KNTC1: variants seen among roughly 807,000 people sequenced by gnomAD.
The protein encoded by KNTC1 is kinetochore-associated protein 1.
A neutral mutation model predicts 314.4 loss-of-function variants in KNTC1; 253 were observed. That is an observed-to-expected ratio of 0.80 (90% CI 0.73 to 0.89). The LOEUF (loss-of-function observed/expected upper bound fraction) is 0.89. KNTC1 is among the 40% of genes least tolerant of loss of function. The pLI, the probability that KNTC1 is intolerant of heterozygous loss-of-function variation, is 0.00. For missense variants in KNTC1, 2,475 were observed against 2,572.9 expected, an observed-to-expected ratio of 0.96 and a Z score of 0.82; for synonymous variants, 901 against 901.4, an observed-to-expected ratio of 1.00 and a Z score of 0.01.
At chr12:122,609,574 T>TA (rs1872902079) in intron 52 of KNTC1, 144 bp downstream of exon 52, 2 of 582,148 alleles carry the variant, frequency 3.4e-6, no homozygotes, top group Non-Finnish European at 6.0e-6. Flanking sequence ...AGTTCACTAA[T>TA]ACGTGGCTAG....
At chr12:122,597,978 C>T (rs1871296107) in intron 44 of KNTC1, 40 bp downstream of exon 44, 2 of 1,463,230 alleles carry the variant, frequency 1.4e-6, no homozygotes, top group East Asian at 2.3e-5. Context: ...TCTCAGCCAT[C>T]CCTCCCACCC....
At chr12:122,609,344 CTT>C in intron 51 of KNTC1, 38 bp from the exon 52 acceptor site, 1 of 1,307,354 alleles carries the variant, frequency 7.6e-7, no homozygotes, top group South Asian at 1.3e-5. Flanking sequence ...TAGTCATAAA[CTT>C]TTTCAGTTTT....
chr12:122,593,925 C>T (rs576384053), intron 42 of KNTC1: 1 of 183,416 alleles, frequency 5.5e-6, no homozygotes, highest in East Asian at 1.5e-4. Context: ...AAATATAAGA[C>T]ATTTTATTTG....
intron 10 of KNTC1, 33 bp from the exon 11 acceptor site, chr12:122,547,382 A>G (rs778080952): frequency 1.2e-5 from 17 of 1,396,004 alleles, no homozygotes; most frequent in Non-Finnish European, 1.6e-5. Context: ...TCTCAAAAAA[A>G]AAGGACATGT....
intron 2 of KNTC1, among the ~76,000 whole-genome samples, chr12:122,533,863 G>T (rs1961578463): frequency 6.6e-6 from 1 of 150,774 alleles, no homozygotes; most frequent in Non-Finnish European, 1.5e-5. Context: ...TATACTATGT[G>T]CAGGGCTCTC....
At chr12:122,562,584 T>G (rs1964048117) in intron 19 of KNTC1, 54 bp from the exon 20 acceptor site, 18 of 1,065,508 alleles carry the variant, frequency 1.7e-5, no homozygotes, top group Non-Finnish European at 2.6e-5. Flanking sequence ...TTTAATGTTT[T>G]AATTTCAATA....
rs369942048 is a variant in KNTC1, at chr12:122,551,537, T to A, written c.1196+14T>A. 3.1e-6 allele frequency: 5 copies of A among 1,608,468 alleles called. No individual in the cohort carries two copies. The highest frequency in any genetic ancestry group is 2.6e-6 in the Non-Finnish European group (3 of 1,176,164). On this transcript the variant is annotated intron_variant, in intron 15 of 63. Transcript: ENST00000333479. ...ACCAGAAAACAGGTAACTTCTCATT[T>A]TTTTTTAAGCTTTATCCTTTAGTGA...
intron 8 of KNTC1, among the ~76,000 whole-genome samples, chr12:122,545,950 T>TA (rs11463721): frequency 0.74 from 106,918 of 145,116 alleles, 39,507 homozygotes; most frequent in African/African-American, 0.84. Context: ...TGTCTCAAAT[T>TA]AAAAAAAAAA....
intron 55 of KNTC1, 141 bp downstream of exon 55, chr12:122,613,902 G>A (rs1305110343): frequency 4.9e-6 from 4 of 813,316 alleles, no homozygotes; most frequent in Middle Eastern, 2.7e-4. Context: ...GTACAGTGGT[G>A]TGATCTCAGC....
Position 122,588,725 on chromosome 12 carries a change from C to G in KNTC1, c.3908C>G (p.Thr1303Ser). 6.5e-7 allele frequency: 1 copy of G among 1,533,456 alleles called. No homozygotes were observed. Among genetic ancestry groups the G allele is most frequent in the Non-Finnish European group, 8.8e-7 (1 of 1,139,352 alleles). 95.0% of individuals were successfully genotyped at this position (1,533,456 alleles called of 1,614,324 possible). A position where few individuals can be genotyped will look rare whatever the true frequency, so the allele number is the denominator to read the frequency against. Residue 1303 changes from threonine (T) to serine (S), a missense_variant, in exon 40 of 64, where the codon ACT becomes AGT. Thr to Ser is a moderately conservative substitution (Grantham distance 58). Transcript: ENST00000333479. ...CTTTTCTAAAAGTTATTTGGAGAGACTACATTAGTTAAATCAAGGCATGTT... is the reference window on the plus strand; with the variant it reads ...CTTTTCTAAAAGTTATTTGGAGAGAGTACATTAGTTAAATCAAGGCATGTT... ...ATLSEKLFGE[T>S]TLVKSRHVVM...
In KNTC1 at chr12:122,542,074, C is replaced by G; in HGVS notation, c.470C>G (p.Thr157Arg). 6.5e-7 allele frequency: 1 copy of G among 1,547,302 alleles called. No homozygotes were observed. The highest frequency in any genetic ancestry group is 8.8e-7 in the Non-Finnish European group (1 of 1,136,714). The part of the protein sequence containing the change: ...NEGTYYMLLL[T>R]YSGFFCITNL... ...GGTACCTATTATATGCTACTTCTTA[C>G]ATACAGTGGATTTTTTTGTATTACA... Residue 157 changes from threonine to arginine, a missense_variant, in exon 6 of 64, where the codon ACA becomes AGA. By Grantham distance (71) the Thr-to-Arg change is moderately conservative (BLOSUM62 -1). Transcript: ENST00000333479.
At chr12:122,605,224 C>A in intron 50 of KNTC1, 82 bp from the exon 51 acceptor site, 1 of 1,026,248 alleles carries the variant, frequency 9.7e-7, no homozygotes, top group South Asian at 1.5e-5. Flanking sequence ...TATGTATGTG[C>A]ATATATACAC....
chr12:122,601,753 G>T, intron 45 of KNTC1, 128 bp downstream of exon 45: 2 of 981,990 alleles, frequency 2.0e-6, no homozygotes, highest in South Asian at 3.2e-5. Context: ...GTTTATTTTA[G>T]GTTTTTAAAA....
At chr12:122,560,427 G>A (rs1476643682) in intron 18 of KNTC1, among the ~76,000 whole-genome samples, 1 of 152,076 alleles carries the variant, frequency 6.6e-6, no homozygotes, top group Non-Finnish European at 1.5e-5. Flanking sequence ...AGAGTGCAAT[G>A]GCGTGATCTT....
chr12:122,581,407 C>G (rs1356413436), intron 33 of KNTC1, among the ~76,000 whole-genome samples: 2 of 152,060 alleles, frequency 1.3e-5, no homozygotes, highest in Non-Finnish European at 2.9e-5. Context: ...CTGTGTGGGT[C>G]AGGCTGGTCT....
intron 44 of KNTC1, among the ~76,000 whole-genome samples, chr12:122,598,862 T>C (rs1400592767): frequency 6.6e-6 from 1 of 151,656 alleles, no homozygotes; most frequent in Non-Finnish European, 1.5e-5. Flanking sequence ...CAGGCTGGAG[T>C]GCAGTGGTGT....
chr12:122,577,466 TAACAAGCCTGC>T (rs1965106158), intron 30 of KNTC1, among the ~76,000 whole-genome samples, 195 bp from the exon 31 acceptor site: 1 of 152,150 alleles, frequency 6.6e-6, no homozygotes, highest in Non-Finnish European at 1.5e-5. Flanking sequence ...ATGGCACATG[TAACAAGCCTGC>T]ACTTCCTGCA....
chr12:122,594,454 A>G (rs767653436), intron 43 of KNTC1, 69 bp downstream of exon 43: 3 of 870,036 alleles, frequency 3.4e-6, no homozygotes, highest in Middle Eastern at 2.3e-4. Flanking sequence ...AGAACACAGT[A>G]ATAACGATGA....
intron 51 of KNTC1, among the ~76,000 whole-genome samples, chr12:122,608,577 T>C (rs1872771997): frequency 6.6e-6 from 1 of 152,190 alleles, no homozygotes; most frequent in Non-Finnish European, 1.5e-5. Flanking sequence ...TGGTTGACTT[T>C]TAGAAACCAG....
Sources: gnomAD v4.1 joint callset for allele counts (sites outside exome capture counted in the v4.1 genomes callset) on GRCh38, gnomAD v4.1.1 for gene constraint, MANE v1.5 for transcripts, NCBI Gene and HGNC (gene_info 2026-07-23, HGNC 2026-07-21) for gene names.